The following FAM107B variants were observed in gnomAD, a reference collection of about 807,000 sequenced individuals.
The protein encoded by FAM107B is protein FAM107B.
In FAM107B, 21 loss-of-function variants were observed where a neutral mutation model predicts 31.5. The observed-to-expected ratio is 0.67, with a 90% confidence interval of 0.47 to 0.96. The LOEUF is 0.96. Ranked by LOEUF, FAM107B falls within the 40% of genes least tolerant of loss-of-function variation. The probability of loss-of-function intolerance (pLI) is 0.00; values close to 1 mark genes in which losing one functional copy is unlikely to be tolerated. For synonymous variants in FAM107B, 157 were observed against 141.5 expected (o/e 1.11, Z -0.78); for missense variants, 452 against 377.1 (o/e 1.20, Z -1.64).
chr10:14,572,389 G>C (rs1851290159), intron 2 of FAM107B: 1 of 985,352 alleles, frequency 1.0e-6, no homozygotes, highest in Non-Finnish European at 1.2e-6. Flanking sequence ...AAGCATGCGT[G>C]AGTCAACCTC....
At chr10:14,704,500 C>T (rs1855477004) in intron 1 of FAM107B, among the ~76,000 whole-genome samples, 1 of 152,190 alleles carries the variant, frequency 6.6e-6, no homozygotes, top group Admixed American at 6.5e-5. Context: ...CTGACAAAAT[C>T]TACAAATTAT....
intron 1 of FAM107B, among the ~76,000 whole-genome samples, chr10:14,704,797 G>A (rs1289948442): frequency 6.6e-6 from 1 of 152,120 alleles, no homozygotes; most frequent in Non-Finnish European, 1.5e-5. Context: ...GCCAAGGCGG[G>A]TAGATTATTT....
rs931056325 is a variant in FAM107B, at chr10:14,762,797, C to A, written c.411+11456G>T. On this transcript the variant is annotated intron_variant, in intron 1 of 4. Coordinates refer to ENST00000181796, the MANE Select transcript of FAM107B (RefSeq NM_031453.4). ...ACACACACACACACACACACACACA[C>A]ACACAAAAAGAACATGTCACATTCA... Among the ~76,000 whole-genome samples, 571 of 145,086 alleles carry A rather than the reference C, an allele frequency of 3.9e-3. 4 individuals are homozygous for A. The highest frequency in any genetic ancestry group is 0.014 in the African/African-American group (509 of 36,824).
chr10:14,536,342 A>T (rs2130911405), intron 2 of FAM107B, among the ~76,000 whole-genome samples: 1 of 152,330 alleles, frequency 6.6e-6, no homozygotes, highest in East Asian at 1.9e-4. Context: ...AAACGTCTGG[A>T]AAGTTAAAAG....
At chr10:14,527,049 G>A (rs548130885) in intron 3 of FAM107B, among the ~76,000 whole-genome samples, 2 of 152,092 alleles carry the variant, frequency 1.3e-5, no homozygotes, top group African/African-American at 4.8e-5. Flanking sequence ...GTGTTAGCTA[G>A]GATGGTCTTG....
intron 2 of FAM107B, among the ~76,000 whole-genome samples, chr10:14,543,327 C>A (rs191089388): frequency 6.6e-6 from 1 of 152,032 alleles, no homozygotes; most frequent in South Asian, 2.1e-4. Context: ...AAAACTAGTA[C>A]GTAAATTCTA....
intron 2 of FAM107B, among the ~76,000 whole-genome samples, chr10:14,582,915 A>T (rs1262533480): frequency 1.3e-5 from 2 of 151,852 alleles, no homozygotes; most frequent in Non-Finnish European, 2.9e-5. Context: ...GCAAAACCCC[A>T]TCTCTACTAA....
chr10:14,540,554 C>T (rs1284558544), intron 2 of FAM107B, among the ~76,000 whole-genome samples: 2 of 152,158 alleles, frequency 1.3e-5, no homozygotes, highest in African/African-American at 4.8e-5. Flanking sequence ...TCCCCCTGTT[C>T]TCCCCCAGCT....
intron 1 of FAM107B, among the ~76,000 whole-genome samples, chr10:14,697,831 A>T (rs931897583): frequency 2.0e-5 from 3 of 152,234 alleles, no homozygotes; most frequent in African/African-American, 7.2e-5. Context: ...TTCTTGAAAT[A>T]CAGATACCAA....
chr10:14,645,812 G>A (rs2131439202), intron 2 of FAM107B, among the ~76,000 whole-genome samples: 1 of 152,286 alleles, frequency 6.6e-6, no homozygotes, highest in Non-Finnish European at 1.5e-5. Flanking sequence ...CACTTTGGCT[G>A]ACATATGTCA....
At chr10:14,578,149 G>C (rs1216590411) in intron 2 of FAM107B, among the ~76,000 whole-genome samples, 1 of 152,128 alleles carries the variant, frequency 6.6e-6, no homozygotes, top group African/African-American at 2.4e-5. Context: ...CCGCTTCCAA[G>C]CAGAATGAGC....
chr10:14,746,593 C>A (rs1024739458), intron 1 of FAM107B, among the ~76,000 whole-genome samples: 1 of 152,194 alleles, frequency 6.6e-6, no homozygotes, highest in Non-Finnish European at 1.5e-5. Context: ...GTTGGAAATT[C>A]TTTTCTTTAA....
At chr10:14,562,816 A>T (rs922732796) in intron 2 of FAM107B, among the ~76,000 whole-genome samples, 2 of 152,214 alleles carry the variant, frequency 1.3e-5, no homozygotes, top group Non-Finnish European at 2.9e-5. Flanking sequence ...AATAACTCAG[A>T]AGTCGATTGC....
intron 2 of FAM107B, among the ~76,000 whole-genome samples, chr10:14,605,905 C>T (rs1852575870): frequency 6.6e-6 from 1 of 152,212 alleles, no homozygotes; most frequent in African/African-American, 2.4e-5. Flanking sequence ...CCCTCCCCCT[C>T]TGCTGGCACC....
intron 1 of FAM107B, among the ~76,000 whole-genome samples, chr10:14,683,914 A>G (rs904162260): frequency 1.1e-4 from 16 of 152,244 alleles, no homozygotes; most frequent in Admixed American, 3.3e-4. Context: ...ATCTCTGGAA[A>G]ACAATGCACA....
rs1845420259 is a variant in FAM107B, at chr10:14,519,371, CAAAG to C, written c.*1815_*1818del. On this transcript the variant is annotated 3_prime_UTR_variant, in exon 5 of 5. Transcript: ENST00000181796. ...AAACAGCATCGCTAGTCCACAGACA[CAAAG>C]AAAGAATTCCAGTCAACGTGCAATC... is the stretch of plus-strand genomic sequence containing the variant. 6.6e-6 allele frequency: 1 copy of C among 152,026 alleles called. No homozygotes were observed. 9.4% of individuals were successfully genotyped at this position (152,026 alleles called of 1,614,324 possible).
intron 1 of FAM107B, among the ~76,000 whole-genome samples, chr10:14,692,281 C>A (rs180811296): frequency 7.9e-5 from 12 of 152,096 alleles, no homozygotes; most frequent in Non-Finnish European, 2.9e-5. Flanking sequence ...GCTCCCCTGG[C>A]GGCTCTGCTC....
At chr10:14,558,188 T>C (rs1232160316) in intron 2 of FAM107B, among the ~76,000 whole-genome samples, 6 of 136,122 alleles carry the variant, frequency 4.4e-5, no homozygotes, top group East Asian at 2.3e-4. Context: ...AGTGTGTGTG[T>C]GCACACACTC....
At position 14,667,620 on chromosome 10, in the gene FAM107B, A is replaced by G. The variant is rs776034360; in HGVS notation, c.469+14T>C. On this transcript the variant is annotated intron_variant, in intron 2 of 4. Transcript: ENST00000181796. ...CAGCAGCCTGGAAAAGGAATCACAC[A>G]GAATGTACTCTACCTGATGTCATTT... is the stretch of plus-strand genomic sequence containing the variant. The G allele has an allele frequency of 6.2e-7, 1 of 1,613,530 alleles. No homozygotes were observed.
Sources: gnomAD v4.1 joint callset for allele counts (sites outside exome capture counted in the v4.1 genomes callset) on GRCh38, gnomAD v4.1.1 for gene constraint, MANE v1.5 for transcripts, NCBI Gene and HGNC (gene_info 2026-07-23, HGNC 2026-07-21) for gene names.